The following OSTF1 variants were observed in gnomAD, a reference collection of about 807,000 sequenced individuals.
OSTF1 encodes osteoclast stimulating factor 1.
Under a neutral mutation model 37.2 loss-of-function variants are expected in OSTF1, and 27 were observed. The ratio of observed to expected loss-of-function variants is 0.73; its 90% confidence interval spans 0.54 to 1.00. The LOEUF (loss-of-function observed/expected upper bound fraction) is 1.00, where lower values mean the gene tolerates loss of function less well. OSTF1 is among the 50% of genes least tolerant of loss of function. OSTF1 has a pLI of 0.00. For synonymous variants in OSTF1, 82 were observed against 89.2 expected, an observed-to-expected ratio of 0.92 and a Z score of 0.46; for missense variants, 232 against 253.8, an observed-to-expected ratio of 0.91 and a Z score of 0.58.
chr9:75,101,585 AAG>A (rs1027905850), intron 1 of OSTF1, among the ~76,000 whole-genome samples: 1 of 152,226 alleles, frequency 6.6e-6, no homozygotes, highest in Non-Finnish European at 1.5e-5. Flanking sequence ...TTTCTGAACA[AAG>A]AGGGGCTCCG....
At chr9:75,097,837 C>T (rs1253452710) in intron 1 of OSTF1, among the ~76,000 whole-genome samples, 2 of 149,594 alleles carry the variant, frequency 1.3e-5, no homozygotes, top group African/African-American at 4.9e-5. Context: ...AGTCACTAGA[C>T]TACTTTATGC....
chr9:75,138,695 A>G (rs1459916056), intron 8 of OSTF1, among the ~76,000 whole-genome samples: 3 of 152,236 alleles, frequency 2.0e-5, no homozygotes, highest in Admixed American at 6.5e-5. Flanking sequence ...TATGTGGATC[A>G]CATTATATTC....
chr9:75,140,511 T>C (rs925184222), intron 8 of OSTF1, among the ~76,000 whole-genome samples: 1 of 152,204 alleles, frequency 6.6e-6, no homozygotes, highest in Non-Finnish European at 1.5e-5. Flanking sequence ...AAAGACCCTC[T>C]TGAGCAAAAG....
intron 1 of OSTF1, among the ~76,000 whole-genome samples, chr9:75,114,383 T>G (rs1049662770): frequency 6.6e-6 from 1 of 152,162 alleles, no homozygotes; most frequent in African/African-American, 2.4e-5. Flanking sequence ...GGAAATTAAC[T>G]AAAATAATAT....
chr9:75,104,353 T>A (rs921158278), intron 1 of OSTF1, among the ~76,000 whole-genome samples: 1 of 152,132 alleles, frequency 6.6e-6, no homozygotes, highest in Non-Finnish European at 1.5e-5. Flanking sequence ...AAGACCAGCC[T>A]GGGTAACAGC....
At chr9:75,110,427 A>G (rs1210649135) in intron 1 of OSTF1, among the ~76,000 whole-genome samples, 1 of 152,066 alleles carries the variant, frequency 6.6e-6, no homozygotes, top group Non-Finnish European at 1.5e-5. Context: ...TTGATAGCTC[A>G]TTTCTCTTTA....
At chr9:75,122,746 A>G (rs994995548) in intron 2 of OSTF1, among the ~76,000 whole-genome samples, 2 of 152,188 alleles carry the variant, frequency 1.3e-5, no homozygotes, top group African/African-American at 2.4e-5. Context: ...CACCCACTTC[A>G]TAGTGTTCTT....
At chr9:75,130,853 C>T (rs1825751381) in intron 4 of OSTF1, among the ~76,000 whole-genome samples, 1 of 152,148 alleles carries the variant, frequency 6.6e-6, no homozygotes, top group African/African-American at 2.4e-5. Context: ...TGCATTTTAG[C>T]ATTCTTAACC....
Position 75,128,385 on chromosome 9 carries a change from TATATATATATATATATATATA to T in OSTF1, c.132+767_132+787del, listed in dbSNP as rs1825695900. On this transcript the variant is annotated intron_variant, in intron 3 of 9. Coordinates refer to ENST00000346234, the MANE Select transcript of OSTF1 (RefSeq NM_012383.5). ...AGACATATATATATATATATATATA[TATATATATATATATATATATA>T]TTTTGTCCATATATATATATATTTT... Among the ~76,000 whole-genome samples, 2 of 90,046 alleles carry T rather than the reference TATATATATATATATATATATA, an allele frequency of 2.2e-5. 1 individual carries two copies. Among genetic ancestry groups the T allele is most frequent in the African/African-American group, 1.0e-4 (2 of 19,816 alleles). 59.1% of individuals were successfully genotyped at this position (90,046 alleles called of 152,430 possible).
chr9:75,094,093 A>G (rs905304545), intron 1 of OSTF1, among the ~76,000 whole-genome samples: 1 of 152,240 alleles, frequency 6.6e-6, no homozygotes, highest in Non-Finnish European at 1.5e-5. Context: ...GAAGTGGAAC[A>G]GAAGCTTTAA....
intron 1 of OSTF1, among the ~76,000 whole-genome samples, chr9:75,092,604 T>C (rs1824995462): frequency 6.6e-6 from 1 of 152,126 alleles, no homozygotes; most frequent in Non-Finnish European, 1.5e-5. Context: ...TAGAAAAAGG[T>C]AAACAATAAA....
chr9:75,126,206 C>T (rs887564971), intron 2 of OSTF1, among the ~76,000 whole-genome samples: 6 of 152,296 alleles, frequency 3.9e-5, no homozygotes, highest in South Asian at 4.1e-4. Context: ...TGAGCTACCA[C>T]GCCTGGCTGG....
intron 9 of OSTF1, among the ~76,000 whole-genome samples, chr9:75,141,297 T>C (rs1486746677): frequency 1.5e-5 from 1 of 68,164 alleles, no homozygotes; most frequent in Admixed American, 2.4e-4. Flanking sequence ...AGACCATATC[T>C]CAAAAAAAGA....
chr9:75,125,273 T>C (rs1348187878), intron 2 of OSTF1, among the ~76,000 whole-genome samples: 1 of 152,182 alleles, frequency 6.6e-6, no homozygotes, highest in Non-Finnish European at 1.5e-5. Context: ...GAGAATCATC[T>C]TTCTGGCCTC....
chr9:75,133,586 C>G (rs559635929), intron 6 of OSTF1, among the ~76,000 whole-genome samples, 185 bp downstream of exon 6: 1 of 152,316 alleles, frequency 6.6e-6, no homozygotes, highest in South Asian at 2.1e-4. Flanking sequence ...GGTCAGTCAG[C>G]CTCACTGCAT....
rs560921116 is a variant in OSTF1, at chr9:75,107,348, C to G, written c.35-10156C>G. ...AGATGATGACACTATTTTTTAGTAC[C>G]CACGGGGTATAAATTAAGAAGATTA... On this transcript the variant is annotated intron_variant, in intron 1 of 9. Transcript: ENST00000346234. 2.0e-5 allele frequency among the ~76,000 whole-genome samples: 3 copies of G among 151,836 alleles called. No homozygotes were observed. In the South Asian group the frequency reaches 6.3e-4, roughly 32 times the overall value.
chr9:75,145,627 G>A (rs4376557), intron 9 of OSTF1, among the ~76,000 whole-genome samples: 36,299 of 152,124 alleles, frequency 0.24, 4,940 homozygotes, highest in East Asian at 0.41. Flanking sequence ...AGCAAGGGCA[G>A]GATAAATGCT....
At chr9:75,102,483 A>C (rs531101828) in intron 1 of OSTF1, among the ~76,000 whole-genome samples, 121 of 152,342 alleles carry the variant, frequency 7.9e-4, no homozygotes, top group African/African-American at 2.6e-3. Context: ...AAGGATAAGA[A>C]ATTTTTATAA....
chr9:75,093,475 T>C lies in OSTF1; in HGVS notation c.34+4749T>C, dbSNP rs1229009058. 2.6e-5 allele frequency among the ~76,000 whole-genome samples: 4 copies of C among 152,220 alleles called. No individual in the cohort carries two copies. The South Asian group carries it at 8.3e-4, about 31-fold the overall frequency. On this transcript the variant is annotated intron_variant, in intron 1 of 9. Coordinates refer to ENST00000346234, the MANE Select transcript of OSTF1 (RefSeq NM_012383.5). ...AAGCAGGTTTGGTAACTATCTATTG[T>C]AGTTGGAAACCTGGTGTCTGACCTT...
Sources: allele counts gnomAD v4.1 joint callset (sites outside exome capture counted in the v4.1 genomes callset), GRCh38; gene constraint gnomAD v4.1.1; transcripts MANE v1.5; gene names NCBI Gene and HGNC (gene_info 2026-07-23, HGNC 2026-07-21).